Variants in AZI2 observed in about 807,000 individuals in gnomAD.
AZI2 encodes 5-azacytidine induced 2.
Under a neutral mutation model 45.8 loss-of-function variants are expected in AZI2, and 22 were observed. The ratio of observed to expected loss-of-function variants is 0.48; its 90% CI spans 0.34 to 0.69. The LOEUF is 0.69. Among genes scored for constraint, AZI2 ranks in the 30% least tolerant of loss-of-function variants. The pLI is 0.01. For synonymous variants in AZI2, 137 were observed against 156.7 expected (o/e 0.87, Z 0.94); for missense variants, 417 against 441.5 (o/e 0.94, Z 0.50).
chr3:28,343,781 T>G (rs1704121607), intron 1 of AZI2, among the ~76,000 whole-genome samples: 1 of 151,968 alleles, frequency 6.6e-6, no homozygotes, highest in African/African-American at 2.4e-5. Flanking sequence ...AATGAATCTT[T>G]TACAAAATCT....
intron 5 of AZI2, among the ~76,000 whole-genome samples, chr3:28,334,816 T>A (rs979927686): frequency 2.0e-5 from 3 of 152,030 alleles, no homozygotes; most frequent in Non-Finnish European, 4.4e-5. Context: ...CCTTCTGGAT[T>A]ACTCTAATCA....
Position 28,336,746 on chromosome 3 carries a change from G to A in AZI2, c.579C>T (p.Ala193=). The A allele has an allele frequency of 2.5e-6, 4 of 1,612,218 alleles. No homozygotes were observed. The highest frequency in any genetic ancestry group is 1.7e-4 in the Middle Eastern group (1 of 6,050). The part of the protein sequence containing the change: ...CSDLKIELQK[A]KQTDPYQEDN... ...AATAATTCTGTAATACCGTTTGTTTGGCTTTCTGTAGTTCTATTTTGAGAT... is the reference window on the plus strand; with the variant it reads ...AATAATTCTGTAATACCGTTTGTTTAGCTTTCTGTAGTTCTATTTTGAGAT... Residue 193 remains alanine (A), a synonymous_variant, in exon 5 of 8, where the codon GCC becomes GCT. Coordinates refer to ENST00000479665, the MANE Select transcript of AZI2 (RefSeq NM_022461.5).
chr3:28,331,565 C>G, intron 6 of AZI2: 1 of 953,976 alleles, frequency 1.0e-6, no homozygotes, highest in Non-Finnish European at 1.3e-6. Flanking sequence ...ATCTCATTTC[C>G]TCAAATTGTT....
intron 1 of AZI2, among the ~76,000 whole-genome samples, chr3:28,347,427 G>C (rs1704291860): frequency 6.6e-6 from 1 of 152,148 alleles, no homozygotes; most frequent in South Asian, 2.1e-4. Flanking sequence ...GAGAAATTGA[G>C]ACATGAAAAC....
chr3:28,329,794 AT>A (rs1392400818), intron 6 of AZI2, among the ~76,000 whole-genome samples: 2 of 151,192 alleles, frequency 1.3e-5, no homozygotes, highest in Non-Finnish European at 3.0e-5. Context: ...AGTGGCTCTC[AT>A]TTTTTATTGC....
chr3:28,332,944 C>A (rs895076617), intron 5 of AZI2, among the ~76,000 whole-genome samples: 1 of 151,770 alleles, frequency 6.6e-6, no homozygotes, highest in Non-Finnish European at 1.5e-5. Flanking sequence ...GCAAGGACAT[C>A]ATAAAGTCCT....
At position 28,336,755 on chromosome 3, in the gene AZI2, T is replaced by A; in HGVS notation, c.570A>T (p.Leu190=). 6.2e-7 allele frequency: 1 copy of A among 1,613,108 alleles called. No homozygotes were observed. Among genetic ancestry groups the A allele is most frequent in the Non-Finnish European group, 8.5e-7 (1 of 1,179,458 alleles). ...GTAATACCGTTTGTTTGGCTTTCTG[T>A]AGTTCTATTTTGAGATCGCTACATT... is the stretch of plus-strand genomic sequence containing the variant. ...RKECSDLKIE[L]QKAKQTDPYQ... Residue 190 remains leucine, a synonymous_variant, in exon 5 of 8, where the codon CTA becomes CTT. Coordinates refer to ENST00000479665, the MANE Select transcript of AZI2 (RefSeq NM_022461.5).
intron 1 of AZI2, among the ~76,000 whole-genome samples, chr3:28,345,621 A>G (rs572854610): frequency 6.6e-6 from 1 of 152,254 alleles, no homozygotes; most frequent in East Asian, 1.9e-4. Flanking sequence ...TTTGTCAGAT[A>G]AAGTAGGTAG....
At chr3:28,330,856 CT>C (rs1256329168) in intron 6 of AZI2, among the ~76,000 whole-genome samples, 1 of 151,312 alleles carries the variant, frequency 6.6e-6, no homozygotes, top group African/African-American at 2.4e-5. Flanking sequence ...CGTGAAGTAA[CT>C]TTTAAACTGA....
At chr3:28,340,113 A>T (rs1214241347) in intron 2 of AZI2, among the ~76,000 whole-genome samples, 1 of 151,664 alleles carries the variant, frequency 6.6e-6, no homozygotes, top group African/African-American at 2.4e-5. Context: ...AGATTTGAAA[A>T]TTCTGAATAA....
intron 5 of AZI2, among the ~76,000 whole-genome samples, chr3:28,333,978 C>G (rs2125649523): frequency 6.6e-6 from 1 of 151,358 alleles, no homozygotes; most frequent in African/African-American, 2.4e-5. Context: ...TCTTTTACTT[C>G]TTTGGCCCTA....
chr3:28,346,620 A>G (rs1409702045), intron 1 of AZI2, among the ~76,000 whole-genome samples: 2 of 152,136 alleles, frequency 1.3e-5, no homozygotes, highest in African/African-American at 4.8e-5. Context: ...CTCCTGAAGT[A>G]AATCATATTT....
intron 6 of AZI2, 88 bp downstream of exon 6, chr3:28,332,281 T>C: frequency 8.3e-7 from 1 of 1,201,106 alleles, no homozygotes; most frequent in Non-Finnish European, 1.2e-6. Flanking sequence ...GTTTTTAAGG[T>C]TAAGTCATAA....
Position 28,333,188 on chromosome 3 carries a change from A to C in AZI2, c.589-761T>G. On this transcript the variant is annotated intron_variant, in intron 5 of 7. Transcript: ENST00000479665. The stretch of plus-strand genomic sequence containing the variant: ...TAATTTTATTATTTCTTACTAATAC[A>C]ATCTAAATTATATAATTTGCAGTGA... Among the ~76,000 whole-genome samples, 2 of 151,862 alleles carry C rather than the reference A, an allele frequency of 1.3e-5. 1 individual carries two copies. The highest frequency in any genetic ancestry group is 2.9e-5 in the Non-Finnish European group (2 of 67,862).
intron 2 of AZI2, 21 bp downstream of exon 2, chr3:28,340,381 A>C: frequency 2.1e-6 from 3 of 1,441,268 alleles, no homozygotes; most frequent in Non-Finnish European, 2.9e-6. Context: ...AAACGCAATG[A>C]AGGTAAAAGA....
chr3:28,339,467 C>T (rs1017075828), intron 2 of AZI2, among the ~76,000 whole-genome samples: 4 of 145,342 alleles, frequency 2.8e-5, no homozygotes, highest in Non-Finnish European at 4.7e-5. Context: ...GTTACCTTCT[C>T]TCACTGTATG....
intron 1 of AZI2, among the ~76,000 whole-genome samples, chr3:28,345,192 T>G (rs987578851): frequency 6.6e-6 from 1 of 152,088 alleles, no homozygotes; most frequent in African/African-American, 2.4e-5. Flanking sequence ...AGCACCCAGG[T>G]GATTTTAAGT....
At chr3:28,347,574 T>C (rs544395823) in intron 1 of AZI2, among the ~76,000 whole-genome samples, 1 of 152,344 alleles carries the variant, frequency 6.6e-6, no homozygotes, top group South Asian at 2.1e-4. Flanking sequence ...AGAAAAAGTT[T>C]AGCCTCTTAC....
At position 28,326,842 on chromosome 3, in the gene AZI2, T is replaced by TGAG; in HGVS notation, c.755_756insCTC (p.Ala252_Ile253insSer). On this transcript the variant is annotated inframe_insertion, in exon 7 of 8. Transcript: ENST00000479665. ...TAAACAGTGACTTGCCTTTCTTGATTGCAGTTGAGGTTTTCAGTTTTCTTA... is the reference window on the plus strand; with the variant it reads ...TAAACAGTGACTTGCCTTTCTTGATTGAGGCAGTTGAGGTTTTCAGTTTTCTTA... 1 of 1,606,544 alleles carries TGAG rather than the reference T, an allele frequency of 6.2e-7. No homozygotes were observed. Among genetic ancestry groups the TGAG allele is most frequent in the Non-Finnish European group, 8.5e-7 (1 of 1,174,056 alleles).
Sources: gnomAD v4.1 joint callset for allele counts (sites outside exome capture counted in the v4.1 genomes callset) on GRCh38, gnomAD v4.1.1 for gene constraint, MANE v1.5 for transcripts, NCBI Gene and HGNC (gene_info 2026-07-23, HGNC 2026-07-21) for gene names.